The following TCF20 variants were observed in gnomAD, a reference collection of about 807,000 sequenced individuals.
The protein encoded by TCF20 is SPRE-binding protein.
Under a neutral mutation model 148.6 loss-of-function variants are expected in TCF20, and 3 were observed. The observed-to-expected ratio is 0.02, with a 90% CI of 0.01 to 0.05. TCF20 has a LOEUF of 0.05. TCF20 is among the 10% of genes least tolerant of loss of function. TCF20 has a pLI of 1.00. For missense variants in TCF20, 2,350 were observed against 2,429.3 expected, an observed-to-expected ratio of 0.97 and a Z score of 0.69; for synonymous variants, 1,049 against 909.5, an observed-to-expected ratio of 1.15 and a Z score of -2.76.
chr22:42,278,722 G>A (rs566622581), intron 1 of TCF20: 1 of 152,422 alleles, frequency 6.6e-6, no homozygotes, highest in Admixed American at 6.5e-5. Flanking sequence ...AGCTAGGCAT[G>A]GTGCTAAGTG....
chr22:42,223,162 A>C (rs1366647443), intron 1 of TCF20, among the ~76,000 whole-genome samples: 1 of 152,246 alleles, frequency 6.6e-6, no homozygotes, highest in South Asian at 2.1e-4. Context: ...TAAATAAATA[A>C]ATAATTGCCA....
At position 42,212,339 on chromosome 22, in the gene TCF20, C is replaced by T; in HGVS notation, c.2967G>A (p.Arg989=). ...GACCACCAACTCTGCCAGGGACCCG[C>T]CGCATTGGCGTGGGTCTGCTGTCTT... ...GPQDSRPTPM[R]RVPGRVGGRE... The change falls in exon 2 of 6, where the codon CGG becomes CGA. Residue 989 remains arginine, a synonymous_variant. Transcript: ENST00000677622. The T allele has an allele frequency of 6.2e-7, 1 of 1,614,222 alleles. No individual in the cohort carries two copies. Among genetic ancestry groups the T allele is most frequent in the Non-Finnish European group, 8.5e-7 (1 of 1,180,032 alleles).
intron 1 of TCF20, among the ~76,000 whole-genome samples, chr22:42,312,942 G>C (rs1347350659): frequency 6.6e-6 from 1 of 152,124 alleles, no homozygotes; most frequent in African/African-American, 2.4e-5. Context: ...TGGGTCCTGG[G>C]GAGCCAGCTC....
chr22:42,257,297 G>A (rs1925796277), intron 1 of TCF20, among the ~76,000 whole-genome samples: 1 of 152,100 alleles, frequency 6.6e-6, no homozygotes, highest in Non-Finnish European at 1.5e-5. Context: ...ATTTTCTCTG[G>A]ATTTTTTCCC....
intron 2 of TCF20, among the ~76,000 whole-genome samples, chr22:42,192,516 T>A (rs1937386962): frequency 6.6e-6 from 1 of 152,172 alleles, no homozygotes; most frequent in African/African-American, 2.4e-5. Flanking sequence ...GGCAAGTTTT[T>A]CAAAGGCAGG....
intron 2 of TCF20, among the ~76,000 whole-genome samples, chr22:42,207,194 G>A (rs1938442911): frequency 6.6e-6 from 1 of 152,120 alleles, no homozygotes; most frequent in Admixed American, 6.5e-5. Flanking sequence ...CTCATCCACT[G>A]AAAACAGGCG....
At chr22:42,187,041 C>T (rs534383768) in intron 2 of TCF20, among the ~76,000 whole-genome samples, 1 of 152,330 alleles carries the variant, frequency 6.6e-6, no homozygotes, top group African/African-American at 2.4e-5. Flanking sequence ...GACTCCTTTG[C>T]TGCCTGCATC....
At chr22:42,215,492 C>G (rs1921671981) in intron 1 of TCF20, 151 bp from the exon 2 acceptor site, 1 of 1,032,188 alleles carries the variant, frequency 9.7e-7, no homozygotes, top group African/African-American at 1.6e-5. Context: ...TTTTTTGAGA[C>G]AAGAGTCTCA....
chr22:42,332,191 G>A (rs77980251), intron 1 of TCF20, among the ~76,000 whole-genome samples: 2,085 of 152,360 alleles, frequency 0.014, 39 homozygotes, highest in African/African-American at 0.048. Flanking sequence ...GCACCAGGAA[G>A]GCCCTGCCTG....
intron 3 of TCF20, among the ~76,000 whole-genome samples, chr22:42,174,457 G>A (rs771771818): frequency 6.6e-6 from 1 of 152,200 alleles, no homozygotes; most frequent in Non-Finnish European, 1.5e-5. Flanking sequence ...GCACCGGCCT[G>A]TCAGCACACC....
Position 42,213,730 on chromosome 22 carries a change from T to C in TCF20, c.1576A>G (p.Ser526Gly), listed in dbSNP as rs747056020. ...ACTCTCTCGCCTTGATCCTCTGAAC[T>C]GCTGGAGCAGCCTCCATCTAATGAC... ...AESLDGGCSSSSEDQGERVRQ... is the reference protein window; with the variant it reads ...AESLDGGCSSGSEDQGERVRQ... Residue 526 changes from serine (S) to glycine (G), a missense_variant, in exon 2 of 6, where the codon AGT becomes GGT. Ser to Gly is a moderately conservative substitution (Grantham distance 56, BLOSUM62 0). Transcript: ENST00000677622. 6.2e-7 allele frequency: 1 copy of C among 1,614,126 alleles called. No homozygotes were observed. The highest frequency in any genetic ancestry group is 1.7e-5 in the Admixed American group (1 of 60,022).
chr22:42,216,835 TAATC>T (rs1024546729), intron 1 of TCF20, among the ~76,000 whole-genome samples: 6 of 152,190 alleles, frequency 3.9e-5, no homozygotes, highest in African/African-American at 1.4e-4. Context: ...TAATCCCTCT[TAATC>T]AATCAAGCTG....
intron 1 of TCF20, among the ~76,000 whole-genome samples, chr22:42,336,943 G>GT (rs1445147645): frequency 2.0e-5 from 3 of 152,176 alleles, no homozygotes; most frequent in African/African-American, 7.2e-5. Context: ...CCATAGCCAC[G>GT]TATCTTCTTC....
chr22:42,168,029 G>A (rs1257608799), intron 5 of TCF20, among the ~76,000 whole-genome samples: 1 of 151,724 alleles, frequency 6.6e-6, no homozygotes, highest in African/African-American at 2.4e-5. Flanking sequence ...GCCCAGCCTC[G>A]AGATTTTTAA....
At chr22:42,296,188 A>G (rs923947302) in intron 1 of TCF20, among the ~76,000 whole-genome samples, 2 of 152,250 alleles carry the variant, frequency 1.3e-5, no homozygotes, top group Middle Eastern at 3.4e-3. Flanking sequence ...CATGACCACC[A>G]TCATCATCTT....
intron 1 of TCF20, among the ~76,000 whole-genome samples, chr22:42,303,768 G>C (rs966086696): frequency 5.3e-5 from 8 of 152,076 alleles, no homozygotes; most frequent in Non-Finnish European, 8.8e-5. Flanking sequence ...AGGCCAAAGG[G>C]AGGAGGAAGA....
At chr22:42,269,335 T>A (rs1926463552) in intron 1 of TCF20, among the ~76,000 whole-genome samples, 1 of 152,170 alleles carries the variant, frequency 6.6e-6, no homozygotes, top group African/African-American at 2.4e-5. Context: ...GAAATCCTAA[T>A]TTTGACCTGA....
Position 42,216,079 on chromosome 22 carries a change from CTTT to C in TCF20, c.-36-741_-36-739del, listed in dbSNP as rs759118027. Among the ~76,000 whole-genome samples the C allele has an allele frequency of 1.6e-3, 81 of 50,560 alleles. No individual in the cohort carries two copies. The South Asian group carries it at 0.019, about 12-fold the overall frequency. 33.2% of individuals were successfully genotyped at this position (50,560 alleles called of 152,430 possible). ...GGTGTGGGGTAAGAAAAACCAAATC[CTTT>C]TTTTTTTTTTTTTTTTTTTTTTTTT... On this transcript the variant is annotated intron_variant, in intron 1 of 5. Coordinates refer to ENST00000677622, the MANE Select transcript of TCF20 (RefSeq NM_001378418.1).
In TCF20 at chr22:42,216,624, A is replaced by T. The variant is rs567378004; in HGVS notation, c.-36-1283T>A. Among the ~76,000 whole-genome samples the T allele has an allele frequency of 5.9e-5, 9 of 152,328 alleles. No individual in the cohort carries two copies. The South Asian group carries it at 1.9e-3, about 32-fold the overall frequency. On this transcript the variant is annotated intron_variant, in intron 1 of 5. Coordinates refer to ENST00000677622, the MANE Select transcript of TCF20 (RefSeq NM_001378418.1). ...TTTTGGGAGGTTTCCAAGAAGTTCC[A>T]GCACCTTTACCCGCCATGTGGTATT...
Sources: gnomAD v4.1 joint callset for allele counts (sites outside exome capture counted in the v4.1 genomes callset) on GRCh38, gnomAD v4.1.1 for gene constraint, MANE v1.5 for transcripts, NCBI Gene and HGNC (gene_info 2026-07-23, HGNC 2026-07-21) for gene names.